Variants in TYR observed in about 807,000 individuals in gnomAD.
TYR encodes the protein LB24-AB.
Under a neutral mutation model 51.5 loss-of-function variants are expected in TYR, and 58 were observed. The observed-to-expected ratio is 1.13, with a 90% CI of 0.91 to 1.40. TYR has a LOEUF of 1.40. Ranked by LOEUF, TYR falls within the 40% of genes most tolerant of loss-of-function variation. TYR has a pLI of 0.00. For missense variants in TYR, 732 were observed against 647.4 expected (o/e 1.13, Z -1.42); for synonymous variants, 263 against 235.2 (o/e 1.12, Z -1.08).
intron 3 of TYR, among the ~76,000 whole-genome samples, chr11:89,236,272 A>G (rs894701535): frequency 1.3e-5 from 2 of 151,846 alleles, no homozygotes; most frequent in African/African-American, 4.8e-5. Flanking sequence ...CAAGAGAAAG[A>G]GGTTTTTTCT....
chr11:89,178,105 G>A lies in TYR; in HGVS notation c.152G>A (p.Gly51Asp). 1 of 1,614,198 alleles carries A rather than the reference G, an allele frequency of 6.2e-7. No individual in the cohort carries two copies. Among genetic ancestry groups the A allele is most frequent in the East Asian group, 2.2e-5 (1 of 44,868 alleles). ...AGGAGTCCCTGTGGCCAGCTTTCAG[G>A]CAGAGGTTCCTGTCAGAATATCCTT... The part of the protein sequence containing the change: ...GDRSPCGQLS[G>D]RGSCQNILLS... The change falls in exon 1 of 5, where the codon GGC becomes GAC. Residue 51 changes from glycine to aspartate, a missense_variant. Gly to Asp is a moderately conservative substitution (Grantham distance 94). Coordinates refer to ENST00000263321, the MANE Select transcript of TYR (RefSeq NM_000372.5).
intron 2 of TYR, among the ~76,000 whole-genome samples, chr11:89,211,606 T>C (rs1466300465): frequency 6.6e-6 from 1 of 152,174 alleles, no homozygotes; most frequent in Admixed American, 6.5e-5. Context: ...ATGGACCTAA[T>C]AGACATCTAC....
intron 3 of TYR, among the ~76,000 whole-genome samples, chr11:89,245,382 T>C (rs1000684668): frequency 6.6e-6 from 1 of 152,190 alleles, no homozygotes; most frequent in Non-Finnish European, 1.5e-5. Flanking sequence ...TAACCAGTAC[T>C]AAATACTGTT....
intron 4 of TYR, among the ~76,000 whole-genome samples, chr11:89,292,193 G>A (rs1944859732): frequency 6.6e-6 from 1 of 151,902 alleles, no homozygotes; most frequent in Non-Finnish European, 1.5e-5. Context: ...TCATTCCACA[G>A]CTGCCATTCA....
At chr11:89,204,556 G>A (rs981706428) in intron 2 of TYR, among the ~76,000 whole-genome samples, 5 of 151,516 alleles carry the variant, frequency 3.3e-5, no homozygotes, top group South Asian at 2.1e-4. Flanking sequence ...CAACAAGCCC[G>A]GCTAATTTTT....
chr11:89,212,773 G>C (rs1394210256), intron 2 of TYR, among the ~76,000 whole-genome samples: 2 of 152,112 alleles, frequency 1.3e-5, no homozygotes, highest in Non-Finnish European at 1.5e-5. Flanking sequence ...GGGATGCAAG[G>C]CTGGTTCAAC....
At chr11:89,183,890 G>A (rs868792759) in intron 1 of TYR, among the ~76,000 whole-genome samples, 5 of 151,936 alleles carry the variant, frequency 3.3e-5, no homozygotes, top group Non-Finnish European at 5.9e-5. Flanking sequence ...TTTACACTTG[G>A]CACTATGCTA....
At position 89,279,826 on chromosome 11, in the gene TYR, C is replaced by T. The variant is rs1318672269; in HGVS notation, c.1185-4947C>T. Among the ~76,000 whole-genome samples, 12 of 151,694 alleles carry T rather than the reference C, an allele frequency of 7.9e-5. No individual in the cohort carries two copies. In the South Asian group the frequency reaches 1.0e-3, roughly 13 times the overall value. On this transcript the variant is annotated intron_variant, in intron 3 of 4. Transcript: ENST00000263321. ...TTTCACCATGTTTTTATACTGCACT[C>T]TTTGAAAAGAAGTCACTGTGTGCAT...
At chr11:89,205,344 A>G (rs1943659634) in intron 2 of TYR, among the ~76,000 whole-genome samples, 1 of 152,156 alleles carries the variant, frequency 6.6e-6, no homozygotes, top group South Asian at 2.1e-4. Flanking sequence ...TAAGAACTCA[A>G]TGAAATAGTG....
chr11:89,191,233 G>T lies in TYR; in HGVS notation c.851G>T (p.Ser284Ile). 1 of 1,613,534 alleles carries T rather than the reference G, an allele frequency of 6.2e-7. No individual in the cohort carries two copies. The highest frequency in any genetic ancestry group is 8.5e-7 in the Non-Finnish European group (1 of 1,179,706). ...TGTAGCCGATTGGAGGAGTACAACA[G>T]CCATCAGTCTTTATGCAATGGAACG... is the stretch of plus-strand genomic sequence containing the variant. ...IVCSRLEEYN[S>I]HQSLCNGTPE... The change falls in exon 2 of 5, where the codon AGC (serine) becomes ATC (isoleucine). Residue 284 changes from serine to isoleucine, a missense_variant. Transcript: ENST00000263321.
intron 1 of TYR, 85 bp downstream of exon 1, chr11:89,178,857 A>G: frequency 7.3e-7 from 1 of 1,363,234 alleles, no homozygotes; most frequent in Non-Finnish European, 1.0e-6. Flanking sequence ...TTCTCACCTG[A>G]ACACTCATTG....
intron 1 of TYR, among the ~76,000 whole-genome samples, chr11:89,187,639 C>G (rs576636221): frequency 2.0e-4 from 31 of 152,080 alleles, no homozygotes; most frequent in African/African-American, 7.2e-4. Context: ...AATATTAACT[C>G]CCCCCGTTTT....
At chr11:89,271,677 C>CA (rs1249212701) in intron 3 of TYR, among the ~76,000 whole-genome samples, 3 of 151,742 alleles carry the variant, frequency 2.0e-5, no homozygotes, top group Admixed American at 6.6e-5. Context: ...CTCTTCCTTT[C>CA]AAAAAATATA....
rs1565392064 is a variant in TYR, at chr11:89,191,408, T to G, written c.1026T>G (p.Asn342Lys). The G allele has an allele frequency of 6.2e-6, 10 of 1,613,490 alleles. No individual in the cohort carries two copies. The highest frequency in any genetic ancestry group is 8.5e-6 in the Non-Finnish European group (10 of 1,179,524). Residue 342 changes from asparagine (N) to lysine (K), a missense_variant, in exon 2 of 5, where the codon AAT becomes AAG. Asn to Lys is a moderately conservative substitution (Grantham distance 94). Coordinates refer to ENST00000263321, the MANE Select transcript of TYR (RefSeq NM_000372.5). The part of the protein sequence containing the change: ...MDKAANFSFR[N>K]TLEGFASPLT... ...AAGCTGCCAATTTCAGCTTTAGAAATACACTGGAAGGTAATCTCTTTCTTT... is the reference window on the plus strand; with the variant it reads ...AAGCTGCCAATTTCAGCTTTAGAAAGACACTGGAAGGTAATCTCTTTCTTT...
intron 3 of TYR, among the ~76,000 whole-genome samples, chr11:89,277,023 T>C (rs1013802774): frequency 2.6e-5 from 4 of 151,832 alleles, no homozygotes; most frequent in African/African-American, 7.2e-5. Context: ...CATTTTATCC[T>C]TAACTATTGT....
chr11:89,238,536 G>C (rs10765201), intron 3 of TYR, among the ~76,000 whole-genome samples: 49,301 of 151,876 alleles, frequency 0.32, 8,541 homozygotes, highest in African/African-American at 0.45. Flanking sequence ...TCTGCAAACC[G>C]GGACCATTTA....
chr11:89,252,485 A>C (rs1191554668), intron 3 of TYR, among the ~76,000 whole-genome samples: 1 of 151,706 alleles, frequency 6.6e-6, no homozygotes, highest in East Asian at 1.9e-4. Flanking sequence ...AGACCCTAGA[A>C]ATCTGTATCA....
chr11:89,249,323 C>A (rs1364917621), intron 3 of TYR, among the ~76,000 whole-genome samples: 39 of 151,264 alleles, frequency 2.6e-4, no homozygotes, highest in Admixed American at 2.6e-3. Context: ...TGAGTATAAA[C>A]ACAGAAGAAA....
intron 2 of TYR, among the ~76,000 whole-genome samples, chr11:89,213,405 G>C (rs988624802): frequency 2.0e-5 from 3 of 151,956 alleles, no homozygotes; most frequent in Admixed American, 6.6e-5. Flanking sequence ...TCTTCAAAGA[G>C]GACTACAAAC....
Sources: allele counts gnomAD v4.1 joint callset (sites outside exome capture counted in the v4.1 genomes callset), GRCh38; gene constraint gnomAD v4.1.1; transcripts MANE v1.5; gene names NCBI Gene and HGNC (gene_info 2026-07-23, HGNC 2026-07-21).